Variants in XRN1 observed in about 807,000 individuals in gnomAD.
The protein encoded by XRN1 is strand-exchange protein 1 homolog.
A neutral mutation model predicts 222.3 loss-of-function variants in XRN1; 67 were observed. The observed-to-expected ratio is 0.30, with a 90% confidence interval of 0.25 to 0.37. The LOEUF is 0.37. Among genes scored for constraint, XRN1 ranks in the 10% least tolerant of loss-of-function variants. The pLI is 1.00. For synonymous variants in XRN1, 643 were observed against 652.4 expected (o/e 0.99, Z 0.22); for missense variants, 1,707 against 2,000.2 (o/e 0.85, Z 2.80).
intron 2 of XRN1, among the ~76,000 whole-genome samples, chr3:142,431,987 TA>T (rs1407814578): frequency 2.0e-4 from 17 of 86,430 alleles, no homozygotes; most frequent in African/African-American, 8.0e-4. Context: ...ATATATTATA[TA>T]ATATATTGTA....
intron 39 of XRN1, among the ~76,000 whole-genome samples, chr3:142,315,127 G>A (rs1053134755): frequency 6.6e-6 from 1 of 151,590 alleles, no homozygotes; most frequent in African/African-American, 2.4e-5. Context: ...GTAGCAGTAA[G>A]GTCTCCCTAT....
At chr3:142,352,084 G>T (rs1457317696) in intron 32 of XRN1, among the ~76,000 whole-genome samples, 1 of 152,074 alleles carries the variant, frequency 6.6e-6, no homozygotes, top group Non-Finnish European at 1.5e-5. Flanking sequence ...CTCCTCCTCA[G>T]TTCCTGCAAC....
At chr3:142,390,673 G>A (rs555024149) in intron 20 of XRN1, among the ~76,000 whole-genome samples, 2 of 152,272 alleles carry the variant, frequency 1.3e-5, no homozygotes, top group South Asian at 2.1e-4. Flanking sequence ...CTTATCATTG[G>A]TGTATTCACT....
chr3:142,384,175 G>A (rs1409798807), intron 21 of XRN1, among the ~76,000 whole-genome samples: 1 of 151,838 alleles, frequency 6.6e-6, no homozygotes, highest in Non-Finnish European at 1.5e-5. Flanking sequence ...GGGAAGCTGT[G>A]GCAGGAGAAT....
At chr3:142,384,459 T>C (rs1455536958) in intron 21 of XRN1, 64 bp downstream of exon 21, 8 of 1,288,808 alleles carry the variant, frequency 6.2e-6, no homozygotes, top group Admixed American at 2.4e-5. Flanking sequence ...ATCTTTTCAT[T>C]ATACAGTGAA....
intron 11 of XRN1, 65 bp from the exon 12 acceptor site, chr3:142,418,674 AT>A (rs767128588): frequency 1.2e-4 from 176 of 1,459,844 alleles, no homozygotes; most frequent in Middle Eastern, 5.3e-4. Context: ...CCACCTAATG[AT>A]TTGATAAATG....
At chr3:142,324,043 C>G (rs370519891) in intron 37 of XRN1, among the ~76,000 whole-genome samples, 1 of 149,090 alleles carries the variant, frequency 6.7e-6, no homozygotes, top group East Asian at 2.0e-4. Flanking sequence ...CAATTCCACT[C>G]TTTTGGTTAT....
intron 33 of XRN1, among the ~76,000 whole-genome samples, chr3:142,345,062 T>C (rs756834733): frequency 1.8e-4 from 28 of 152,192 alleles, no homozygotes; most frequent in Non-Finnish European, 3.1e-4. Flanking sequence ...ATTAGTGGAA[T>C]GGAATTGAGA....
rs1177654657 is a variant in XRN1, at chr3:142,380,185, G to C, written c.2617-5C>G. On this transcript the variant is annotated splice_region_variant and splice_polypyrimidine_tract_variant and intron_variant, in intron 22 of 40. Transcript: ENST00000392981. ...CACATCACCTGAATCCTGAACCTTA[G>C]AAGAAAAAAAAATCACAGTATAGTC... 1 of 1,604,102 alleles carries C rather than the reference G, an allele frequency of 6.2e-7. No individual in the cohort carries two copies. Among genetic ancestry groups the C allele is most frequent in the South Asian group, 1.1e-5 (1 of 89,648 alleles).
Position 142,311,506 on chromosome 3 carries a change from C to G in XRN1, c.*5G>C. ...AAGAAATTAACTTAATTCTAAGAGCCAAATTTACTCAGAAGGTTTAGAAAC... is the reference window on the plus strand; with the variant it reads ...AAGAAATTAACTTAATTCTAAGAGCGAAATTTACTCAGAAGGTTTAGAAAC... On this transcript the variant is annotated 3_prime_UTR_variant, in exon 41 of 41. Transcript: ENST00000392981. 1 of 1,569,178 alleles carries G rather than the reference C, an allele frequency of 6.4e-7. No homozygotes were observed. Among genetic ancestry groups the G allele is most frequent in the Non-Finnish European group, 8.6e-7 (1 of 1,156,472 alleles).
intron 1 of XRN1, among the ~76,000 whole-genome samples, chr3:142,433,970 T>C (rs74860807): frequency 3.9e-5 from 6 of 152,184 alleles, no homozygotes; most frequent in Non-Finnish European, 8.8e-5. Flanking sequence ...TATATAGTAT[T>C]GTATGTACAA....
chr3:142,434,014 A>G (rs2069749452), intron 1 of XRN1, among the ~76,000 whole-genome samples: 1 of 152,240 alleles, frequency 6.6e-6, no homozygotes, highest in Admixed American at 6.5e-5. Context: ...GTTCTTACTG[A>G]CAGGCTGAAC....
rs2291362 is a variant in XRN1 at position 142,329,702 on chromosome 3, A to C, written c.4223-87T>G. On this transcript the variant is annotated intron_variant, in intron 36 of 40. Coordinates refer to ENST00000392981, the MANE Select transcript of XRN1 (RefSeq NM_001282857.2). ...TATTGTAGGGTTTTATAGAAGAGCAAGCAGGAAACTGCTAAAAAGTGAAGT... is the reference window on the plus strand; with the variant it reads ...TATTGTAGGGTTTTATAGAAGAGCACGCAGGAAACTGCTAAAAAGTGAAGT... 157 of 1,306,684 alleles carry C rather than the reference A, an allele frequency of 1.2e-4. No homozygotes were observed. The East Asian group carries it at 4.7e-3, about 39-fold the overall frequency. 80.9% of individuals were successfully genotyped at this position (1,306,684 alleles called of 1,614,324 possible).
chr3:142,386,723 C>T (rs927034826), intron 20 of XRN1, among the ~76,000 whole-genome samples: 1 of 152,002 alleles, frequency 6.6e-6, no homozygotes, highest in Non-Finnish European at 1.5e-5. Flanking sequence ...ATTCAAATGG[C>T]CAACAAACAC....
chr3:142,431,847 A>T (rs1244462424), intron 2 of XRN1, among the ~76,000 whole-genome samples: 2 of 46,146 alleles, frequency 4.3e-5, no homozygotes, highest in Non-Finnish European at 8.0e-5. Context: ...ATATTAAAAA[A>T]TATATATATT....
Position 142,357,054 on chromosome 3 carries a change from C to T in XRN1, c.3530G>A (p.Arg1177His), listed in dbSNP as rs145647005. Residue 1177 changes from arginine to histidine, a missense_variant, in exon 31 of 41, where the codon CGC becomes CAC. By Grantham distance (29) the Arg-to-His change is conservative. This residue lies in a region of XRN1 where 1,234 missense variants were observed against 1,518.2 expected (regional missense o/e 0.81). Transcript: ENST00000392981. ...CAACTTCTGATTTCCAGTTTCAGAG[C>T]GACTCCCATGAGAAAGGTTCACCAA... is the stretch of plus-strand genomic sequence containing the variant. ...SALVNLSHGS[R>H]SETGNQKLTA... 8.7e-5 allele frequency: 141 copies of T among 1,613,638 alleles called. No homozygotes were observed. The highest frequency in any genetic ancestry group is 2.5e-4 in the Admixed American group (15 of 59,962).
chr3:142,428,447 G>A (rs1374599639), intron 2 of XRN1, among the ~76,000 whole-genome samples: 1 of 151,956 alleles, frequency 6.6e-6, no homozygotes, highest in African/African-American at 2.4e-5. Context: ...CTCTAGTGGG[G>A]AGGTAGAAAA....
intron 33 of XRN1, among the ~76,000 whole-genome samples, chr3:142,340,926 A>G (rs1268218856): frequency 6.6e-6 from 1 of 152,210 alleles, no homozygotes; most frequent in East Asian, 1.9e-4. Context: ...TGCTAAAGGG[A>G]GTACTTTATT....
At chr3:142,394,348 C>T (rs1374237727) in intron 20 of XRN1, among the ~76,000 whole-genome samples, 1 of 152,188 alleles carries the variant, frequency 6.6e-6, no homozygotes, top group Non-Finnish European at 1.5e-5. Flanking sequence ...TATCCCAAAA[C>T]ACAGGGTAGA....
Sources: gnomAD v4.1 joint callset for allele counts (sites outside exome capture counted in the v4.1 genomes callset) on GRCh38, gnomAD v4.1.1 for gene constraint, gnomAD v4.1.1 regional missense constraint, MANE v1.5 for transcripts, NCBI Gene and HGNC (gene_info 2026-07-23, HGNC 2026-07-21) for gene names.